The following KRT80 variants were observed in gnomAD, a reference collection of about 807,000 sequenced individuals.
KRT80 encodes keratin, type II cytoskeletal 80.
KRT80 carries 36 observed loss-of-function variants against 51.5 expected under a neutral mutation model. That is an observed-to-expected ratio of 0.70 (90% CI 0.54 to 0.92). The LOEUF (loss-of-function observed/expected upper bound fraction) is 0.92, where lower values mean the gene tolerates loss of function less well. KRT80 is among the 40% of genes least tolerant of loss of function. The pLI, the probability that KRT80 is intolerant of heterozygous loss-of-function variation, is 0.00. For missense variants in KRT80, 566 were observed against 591.7 expected (o/e 0.96, Z 0.45); for synonymous variants, 235 against 248.3 (o/e 0.95, Z 0.50).
In KRT80 at chr12:52,180,511, A is replaced by G; in HGVS notation, c.666+2T>C. 6.9e-7 allele frequency: 1 copy of G among 1,445,504 alleles called. No homozygotes were observed. Among genetic ancestry groups the G allele is most frequent in the South Asian group, 1.7e-5 (1 of 58,054 alleles). 89.5% of individuals were successfully genotyped at this position (1,445,504 alleles called of 1,614,324 possible). A position where few individuals can be genotyped will look rare whatever the true frequency, so the allele number is the denominator to read the frequency against. On this transcript the variant is annotated splice_donor_variant, in intron 4 of 8. Transcript: ENST00000394815. LOFTEE classifies it high-confidence loss of function. ...GCAAGACACTGGCCCCATCTCACTC[A>G]CCTGCTCATAGATGGTTTTCATCAA...
intron 1 of KRT80, chr12:52,185,822 A>C: frequency 1.2e-6 from 1 of 800,566 alleles, no homozygotes; most frequent in Non-Finnish European, 1.9e-6. Flanking sequence ...AAAGGTTTCC[A>C]GGCGAGGGCA....
intron 8 of KRT80, 36 bp downstream of exon 8, chr12:52,171,622 C>T (rs772079975): frequency 1.9e-6 from 3 of 1,601,862 alleles, no homozygotes; most frequent in Non-Finnish European, 2.6e-6. Context: ...CCCTCACCCT[C>T]ACCCCACCAT....
chr12:52,171,261 T>G lies in KRT80; in HGVS notation c.*137A>C. 1 of 942,436 alleles carries G rather than the reference T, an allele frequency of 1.1e-6. No individual in the cohort carries two copies. Among genetic ancestry groups the G allele is most frequent in the Non-Finnish European group, 1.6e-6 (1 of 627,336 alleles). The allele number at this position is 942,436 out of a possible 1,614,324, so 58.4% of individuals were successfully genotyped here. A position where few individuals can be genotyped will look rare whatever the true frequency, so the allele number is the denominator to read the frequency against. On this transcript the variant is annotated 3_prime_UTR_variant, in exon 9 of 9. Transcript: ENST00000394815. ...CTGGCAGCCCACAAAACACAGTCAG[T>G]TTTGAACCCCTCTCTCAGTTCAATA...
intron 1 of KRT80, among the ~76,000 whole-genome samples, chr12:52,188,757 C>G (rs1004157569): frequency 3.3e-5 from 5 of 152,352 alleles, no homozygotes; most frequent in African/African-American, 1.2e-4. Flanking sequence ...CCAGGATGAG[C>G]TCAGGCAGTC....
intron 1 of KRT80, among the ~76,000 whole-genome samples, chr12:52,187,286 C>T (rs1352232992): frequency 3.3e-5 from 5 of 152,238 alleles, no homozygotes; most frequent in Non-Finnish European, 5.9e-5. Context: ...CTCCCAGAAT[C>T]GTAGCCTGCG....
intron 4 of KRT80, among the ~76,000 whole-genome samples, chr12:52,176,221 A>G (rs1157387307): frequency 2.6e-5 from 4 of 152,220 alleles, no homozygotes; most frequent in African/African-American, 9.6e-5. Flanking sequence ...GGCTGCAGAG[A>G]GTATGACAAT....
intron 1 of KRT80, among the ~76,000 whole-genome samples, chr12:52,191,118 C>T (rs1941473981): frequency 6.6e-6 from 1 of 152,196 alleles, no homozygotes; most frequent in Admixed American, 6.5e-5. Context: ...CCCGCACTCA[C>T]CCTCCACCCT....
intron 4 of KRT80, among the ~76,000 whole-genome samples, chr12:52,178,598 G>C (rs1253596992): frequency 6.6e-6 from 1 of 152,190 alleles, no homozygotes; most frequent in Non-Finnish European, 1.5e-5. Flanking sequence ...CCCAGAATCT[G>C]TCACCCTGCG....
At position 52,171,609 on chromosome 12, in the gene KRT80, ACACCCT is replaced by A. The variant is rs1374511033; in HGVS notation, c.1234+43_1234+48del. 4 of 1,605,020 alleles carry A rather than the reference ACACCCT, an allele frequency of 2.5e-6. No homozygotes were observed. In the African/African-American group the frequency reaches 4.0e-5, roughly 16 times the overall value. On this transcript the variant is annotated intron_variant, in intron 8 of 8. Transcript: ENST00000394815. ...GATGCCTTTAGGATCATGATCCCCT[ACACCCT>A]CACCCTCACCCCACCATGGGTTCTC...
rs745789887 is a variant in KRT80 at position 52,172,235 on chromosome 12, C to T, written c.1141G>A (p.Ala381Thr). ...CCCTCCACCAGCTTCCTGTAGGTGG[C>T]GATCTCGATGTCCAGGGCCAGCTTG... ...NVKLALDIEI[A>T]TYRKLVEGEE... Residue 381 changes from alanine (A) to threonine (T), a missense_variant, in exon 7 of 9, where the codon GCC becomes ACC. Physicochemically the swap from Ala to Thr is moderately conservative, Grantham distance 58 (BLOSUM62 0). Transcript: ENST00000394815. The T allele has an allele frequency of 1.5e-5, 25 of 1,613,840 alleles. No individual in the cohort carries two copies. Among genetic ancestry groups the T allele is most frequent in the South Asian group, 2.2e-5 (2 of 91,082 alleles).
intron 1 of KRT80, among the ~76,000 whole-genome samples, chr12:52,189,190 G>A (rs369456234): frequency 4.6e-5 from 7 of 151,626 alleles, no homozygotes; most frequent in African/African-American, 9.7e-5. Flanking sequence ...TGGTCATGGC[G>A]TCTCACCCCT....
In KRT80 at chr12:52,181,748, A is replaced by T. The variant is rs555068815; in HGVS notation, c.510-785T>A. 8.6e-5 allele frequency among the ~76,000 whole-genome samples: 13 copies of T among 151,898 alleles called. No individual in the cohort carries two copies. The East Asian group carries it at 1.9e-3, about 23-fold the overall frequency. The stretch of plus-strand genomic sequence containing the variant: ...GACACCGTTGGGTGGGGAGGACAGG[A>T]CCCCCAGATCCCTGGCCCGACCCTC... On this transcript the variant is annotated intron_variant, in intron 2 of 8. Transcript: ENST00000394815.
At chr12:52,186,511 T>C (rs1941409239) in intron 1 of KRT80, among the ~76,000 whole-genome samples, 1 of 152,162 alleles carries the variant, frequency 6.6e-6, no homozygotes, top group Non-Finnish European at 1.5e-5. Context: ...GGTACTATTA[T>C]AAGCTGTATT....
rs1241637484 is a variant in KRT80 at position 52,192,009 on chromosome 12, G to C, written c.-107C>G. 2.8e-6 allele frequency: 3 copies of C among 1,065,952 alleles called. No homozygotes were observed. The African/African-American group carries it at 5.8e-5, about 21-fold the overall frequency. 66.0% of individuals were successfully genotyped at this position (1,065,952 alleles called of 1,614,324 possible). A position where few individuals can be genotyped will look rare whatever the true frequency, so the allele number is the denominator to read the frequency against. ...CTCTGGTCACAGCTGGGGCGGGCTG[G>C]GGACTGAGGAGCAGACACCTGTTGC... On this transcript the variant is annotated 5_prime_UTR_variant, in exon 1 of 9. Coordinates refer to ENST00000394815, the MANE Select transcript of KRT80 (RefSeq NM_182507.3).
chr12:52,172,296 C>A lies in KRT80; in HGVS notation c.1080G>T (p.Ala360=), dbSNP rs760312908. 12 of 1,613,872 alleles carry A rather than the reference C, an allele frequency of 7.4e-6. No individual in the cohort carries two copies. Among genetic ancestry groups the A allele is most frequent in the Non-Finnish European group, 9.3e-6 (11 of 1,179,892 alleles). The change falls in exon 7 of 9, where the codon GCG becomes GCT. Residue 360 remains alanine, a synonymous_variant. Transcript: ENST00000394815. The stretch of plus-strand genomic sequence containing the variant: ...GCTCCTGGTACTTGCGCAGCTGCCG[C>A]GCCATGTCCTGCTTGGCCTGCTGCA... ...AALQQAKQDM[A]RQLRKYQELM...
At chr12:52,185,828 G>A in intron 1 of KRT80, 1 of 730,780 alleles carries the variant, frequency 1.4e-6, no homozygotes, top group South Asian at 1.9e-5. Flanking sequence ...TTCCAGGCGA[G>A]GGCAGGGCAG....
At chr12:52,183,136 C>T (rs777845238) in intron 2 of KRT80, among the ~76,000 whole-genome samples, 3 of 152,188 alleles carry the variant, frequency 2.0e-5, no homozygotes, top group African/African-American at 4.8e-5. Context: ...AGTTGCTTCC[C>T]CTTGCTGGGC....
chr12:52,177,802 C>T (rs1941256801), intron 4 of KRT80, among the ~76,000 whole-genome samples: 1 of 152,102 alleles, frequency 6.6e-6, no homozygotes, highest in South Asian at 2.1e-4. Flanking sequence ...TCCTGGGCCA[C>T]TCGTGTTCTG....
Position 52,173,734 on chromosome 12 carries a change from C to T in KRT80, c.697G>A (p.Asp233Asn). ...ELKDLAAQVKDVSVTVGMDSR... is the reference protein window; with the variant it reads ...ELKDLAAQVKNVSVTVGMDSR... ...TCCATGCCGACGGTCACCGACACAT[C>T]CTTCACCTGTGCTGCCAGGTCCTTC... The change falls in exon 5 of 9, where the codon GAT (aspartate) becomes AAT (asparagine). Residue 233 changes from aspartate to asparagine, a missense_variant. By Grantham distance (23) the Asp-to-Asn change is conservative. Transcript: ENST00000394815. 6.2e-7 allele frequency: 1 copy of T among 1,612,058 alleles called. No individual in the cohort carries two copies. Among genetic ancestry groups the T allele is most frequent in the Non-Finnish European group, 8.5e-7 (1 of 1,180,010 alleles).
Sources: allele counts gnomAD v4.1 joint callset (sites outside exome capture counted in the v4.1 genomes callset), GRCh38; gene constraint gnomAD v4.1.1; transcripts MANE v1.5; gene names NCBI Gene and HGNC (gene_info 2026-07-23, HGNC 2026-07-21).